USP36: variants seen among roughly 807,000 people sequenced by gnomAD.
USP36 encodes the protein ubiquitin carboxyl-terminal hydrolase 36.
Under a neutral mutation model 111.5 loss-of-function variants are expected in USP36, and 59 were observed. The observed-to-expected ratio is 0.53, with a 90% CI of 0.43 to 0.66. USP36 has a LOEUF of 0.66. Ranked by LOEUF, USP36 falls within the 30% of genes least tolerant of loss-of-function variation. USP36 has a pLI of 0.00. For missense variants in USP36, 1,488 were observed against 1,468.0 expected, an observed-to-expected ratio of 1.01 and a Z score of -0.22; for synonymous variants, 628 against 581.0, an observed-to-expected ratio of 1.08 and a Z score of -1.16.
intron 14 of USP36, 38 bp downstream of exon 14, chr17:78,806,921 C>T: frequency 1.2e-6 from 2 of 1,603,606 alleles, no homozygotes; most frequent in Non-Finnish European, 1.7e-6. Context: ...TTGGAGCTCT[C>T]CTGATACACA....
At chr17:78,813,684 C>G in intron 12 of USP36, 89 bp downstream of exon 12, 1 of 1,195,238 alleles carries the variant, frequency 8.4e-7, no homozygotes, top group Non-Finnish European at 1.2e-6. Context: ...TCCCAATTAC[C>G]TTCAAACAAA....
At chr17:78,834,896 A>G (rs2068502723) in intron 4 of USP36, among the ~76,000 whole-genome samples, 1 of 151,952 alleles carries the variant, frequency 6.6e-6, no homozygotes, top group Admixed American at 6.6e-5. Flanking sequence ...TGGGAGGATC[A>G]TGTGAGCCCA....
In USP36 at chr17:78,814,413, T is replaced by G. The variant is rs1338986672; in HGVS notation, c.1163A>C (p.Lys388Thr). ...CHAGHYYCYV[K>T]ASNGQWYQMN... The stretch of plus-strand genomic sequence containing the variant: ...GCTGCACTGACACAAGCCTCTCACC[T>G]TCACGTAGCAGTAATAGTGCCCGGC... The change falls in exon 11 of 21, where the codon AAG (lysine) becomes ACG (threonine). Residue 388 changes from lysine to threonine, a missense_variant and splice_region_variant. Lys to Thr is a moderately conservative substitution (Grantham distance 78). Coordinates refer to ENST00000449938, the MANE Select transcript of USP36 (RefSeq NM_001385174.1). 4.3e-6 allele frequency: 7 copies of G among 1,613,934 alleles called. No homozygotes were observed. The African/African-American group carries it at 5.3e-5, about 12-fold the overall frequency.
At chr17:78,823,798 T>C (rs1433638212) in intron 6 of USP36, among the ~76,000 whole-genome samples, 1 of 151,936 alleles carries the variant, frequency 6.6e-6, no homozygotes, top group African/African-American at 2.4e-5. Flanking sequence ...TCCTAGACTA[T>C]CGACCCTTCT....
intron 10 of USP36, among the ~76,000 whole-genome samples, chr17:78,815,980 T>C (rs1457864541): frequency 1.3e-5 from 2 of 151,864 alleles, no homozygotes; most frequent in African/African-American, 4.8e-5. Context: ...ACACATATAA[T>C]ACGTGCACAC....
chr17:78,840,888 A>G (rs777989440), upstream of USP36: 2 of 152,270 alleles, frequency 1.3e-5, no homozygotes, highest in African/African-American at 4.8e-5. Flanking sequence ...GCGCTGCGCT[A>G]ACTCCGAAAG....
intron 2 of USP36, among the ~76,000 whole-genome samples, 200 bp downstream of exon 2, chr17:78,838,387 C>CAAAAAA (rs1258501186): frequency 7.4e-6 from 1 of 134,662 alleles, no homozygotes; most frequent in African/African-American, 3.0e-5. Context: ...AAAAAAAAAA[C>CAAAAAA]AAAAAACAAA....
downstream of USP36, among the ~76,000 whole-genome samples, chr17:78,792,993 G>A (rs2144841969): frequency 6.6e-6 from 1 of 152,196 alleles, no homozygotes; most frequent in South Asian, 2.1e-4. Context: ...TGGGATTACA[G>A]GTGTGAGCCA....
intron 1 of USP36, chr17:78,840,289 G>GCTC (rs1462777501): frequency 2.0e-5 from 3 of 151,776 alleles, no homozygotes; most frequent in African/African-American, 7.3e-5. Flanking sequence ...CCCGCCCCGG[G>GCTC]CTCCATGGCC....
Position 78,803,522 on chromosome 17 carries a change from G to A in USP36, c.2673C>T (p.Gly891=). The A allele has an allele frequency of 1.2e-6, 2 of 1,613,786 alleles. No individual in the cohort carries two copies. The highest frequency in any genetic ancestry group is 1.7e-6 in the Non-Finnish European group (2 of 1,180,032). ...GCTGGCCATTCACCTGTGGCTGTGT[G>A]CCATCTTCCTGCCGTCTGACAGCGG... ...QLPAVRRQED[G]TQPQVNGQQV... The change falls in exon 16 of 21, where the codon GGC becomes GGT. Residue 891 remains glycine, a synonymous_variant. Transcript: ENST00000449938. This position sits in a 1 kb window ranked among gnomAD's most constrained non-coding sequence, Gnocchi z 4.6.
intron 13 of USP36, among the ~76,000 whole-genome samples, chr17:78,812,406 T>C (rs113942129): frequency 0.049 from 7,461 of 152,018 alleles, 226 homozygotes; most frequent in Non-Finnish European, 0.068. Flanking sequence ...AGAAATAACA[T>C]TGGCCGGGCG....
intron 9 of USP36, chr17:78,818,979 A>C: frequency 1.9e-6 from 1 of 520,040 alleles, no homozygotes; most frequent in Non-Finnish European, 3.4e-6. Flanking sequence ...AAATAAGACT[A>C]CAGAAAGTGG....
At chr17:78,811,039 A>C (rs1399601757) in intron 13 of USP36, among the ~76,000 whole-genome samples, 1 of 151,204 alleles carries the variant, frequency 6.6e-6, no homozygotes, top group Non-Finnish European at 1.5e-5. Context: ...GCTTGAACCC[A>C]AGAGGCGGAG....
At chr17:78,829,875 G>A (rs2067924146) in intron 4 of USP36, among the ~76,000 whole-genome samples, 1 of 152,154 alleles carries the variant, frequency 6.6e-6, no homozygotes, top group South Asian at 2.1e-4. Context: ...CAAGTGGCTG[G>A]GACTACAGGC....
rs145417143 is a variant in USP36 at position 78,811,347 on chromosome 17, CTCTG to C, written c.1407+1509_1407+1512del. Among the ~76,000 whole-genome samples, 120 of 152,276 alleles carry C rather than the reference CTCTG, an allele frequency of 7.9e-4. 2 individuals are homozygous for C. In the East Asian group the frequency reaches 0.021, roughly 27 times the overall value. ...AACCACATAACCTTTATCATCCTCT[CTCTG>C]TATGTATATGTACGTGTGTATATAT... On this transcript the variant is annotated intron_variant, in intron 13 of 20. Coordinates refer to ENST00000449938, the MANE Select transcript of USP36 (RefSeq NM_001385174.1).
At position 78,807,465 on chromosome 17, in the gene USP36, T is replaced by C. The variant is rs375335141; in HGVS notation, c.1579A>G (p.Thr527Ala). ...KLSQTPTHMP[T>A]ILDDPGKKVK... The stretch of plus-strand genomic sequence containing the variant: ...TTCTTTCCAGGGTCGTCTAGGATGG[T>C]TGGCATGTGTGTGGGTGTCTGGGAG... Residue 527 changes from threonine (T) to alanine (A), a missense_variant, in exon 14 of 21, where the codon ACC becomes GCC. This residue lies in a region of USP36 where 1,073 missense variants were observed against 994.1 expected (regional missense o/e 1.08). Coordinates refer to ENST00000449938, the MANE Select transcript of USP36 (RefSeq NM_001385174.1). The C allele has an allele frequency of 1.4e-5, 22 of 1,613,862 alleles. No homozygotes were observed. The African/African-American group carries it at 1.6e-4, about 12-fold the overall frequency.
chr17:78,799,054 T>C (rs2093679581), intron 18 of USP36, 31 bp from the exon 19 acceptor site: 2 of 1,606,754 alleles, frequency 1.2e-6, no homozygotes, highest in East Asian at 2.2e-5. Flanking sequence ...TCAGCACGAG[T>C]GCAGGTTCCC....
intron 3 of USP36, among the ~76,000 whole-genome samples, chr17:78,789,058 G>T (rs1000094026): frequency 6.6e-6 from 1 of 151,868 alleles, no homozygotes; most frequent in African/African-American, 2.4e-5. Context: ...TTAGCCGGGC[G>T]TGATGGCATG....
In USP36 at chr17:78,798,336, C is replaced by T. The variant is rs1335184676; in HGVS notation, c.*20+64G>A. The T allele has an allele frequency of 5.7e-6, 9 of 1,589,450 alleles. No individual in the cohort carries two copies. Among genetic ancestry groups the T allele is most frequent in the Non-Finnish European group, 7.7e-6 (9 of 1,169,508 alleles). ...CACACACGCCACACCCCACCACACC[C>T]CTACACACATACACGGCACACACAC... On this transcript the variant is annotated intron_variant, in intron 20 of 20. Coordinates refer to ENST00000449938, the MANE Select transcript of USP36 (RefSeq NM_001385174.1). This position sits in a 1 kb window ranked among gnomAD's most constrained non-coding sequence, Gnocchi z 5.1.
Sources: gnomAD v4.1 joint callset for allele counts (sites outside exome capture counted in the v4.1 genomes callset) on GRCh38, gnomAD v4.1.1 for gene constraint, gnomAD v4.1.1 regional missense constraint, Gnocchi (gnomAD v3.1) non-coding constraint, MANE v1.5 for transcripts, NCBI Gene and HGNC (gene_info 2026-07-23, HGNC 2026-07-21) for gene names.